Variants in ZNF510 observed in about 807,000 individuals in gnomAD.
The protein encoded by ZNF510 is zinc finger protein 510.
Under a neutral mutation model 18.1 loss-of-function variants are expected in ZNF510, and 15 were observed. That is an observed-to-expected ratio of 0.83 (90% CI 0.55 to 1.28). The LOEUF (loss-of-function observed/expected upper bound fraction) is 1.28. Among genes scored for constraint, ZNF510 ranks in the 50% most tolerant of loss-of-function variants. The pLI is 0.00. For missense variants in ZNF510, 724 were observed against 791.8 expected (o/e 0.91, Z 1.03); for synonymous variants, 261 against 266.4 (o/e 0.98, Z 0.20).
rs768273544 is a variant in ZNF510, at chr9:96,760,097, G to C, written c.733C>G (p.Pro245Ala). The change falls in exon 6 of 6, where the codon CCA becomes GCA. Residue 245 changes from proline to alanine, a missense_variant. Coordinates refer to ENST00000223428, the MANE Select transcript of ZNF510 (RefSeq NM_014930.3). ...GCTTGCTCCAAAGTTTGAAACTTTGGATGCTTGGGAAGATTTTCATTATAA... is the reference window on the plus strand; with the variant it reads ...GCTTGCTCCAAAGTTTGAAACTTTGCATGCTTGGGAAGATTTTCATTATAA... ...LNYNENLPKH[P>A]KFQTLEQAFE... 6.2e-7 allele frequency: 1 copy of C among 1,608,866 alleles called. No homozygotes were observed. The highest frequency in any genetic ancestry group is 8.5e-7 in the Non-Finnish European group (1 of 1,178,280).
At chr9:96,777,202 C>A (rs1044942518) in intron 1 of ZNF510, among the ~76,000 whole-genome samples, 1 of 152,138 alleles carries the variant, frequency 6.6e-6, no homozygotes, top group African/African-American at 2.4e-5. Context: ...TCCCAGAAAC[C>A]CCACAACAAA....
chr9:96,758,680 ACTGT>A lies in ZNF510; in HGVS notation c.*94_*97del. 8.1e-7 allele frequency: 1 copy of A among 1,231,610 alleles called. No individual in the cohort carries two copies. The highest frequency in any genetic ancestry group is 2.4e-5 in the East Asian group (1 of 42,092). 76.3% of individuals were successfully genotyped at this position (1,231,610 alleles called of 1,614,324 possible). A position where few individuals can be genotyped will look rare whatever the true frequency, so the allele number is the denominator to read the frequency against. ...TTCACAGTGAGGGTTTACTTCTGGG[ACTGT>A]CTTCTTACATTCACTACCCTCAATT... is the stretch of plus-strand genomic sequence containing the variant. On this transcript the variant is annotated 3_prime_UTR_variant, in exon 6 of 6. Coordinates refer to ENST00000223428, the MANE Select transcript of ZNF510 (RefSeq NM_014930.3).
chr9:96,767,899 G>A (rs967955193), intron 3 of ZNF510, among the ~76,000 whole-genome samples: 8 of 152,020 alleles, frequency 5.3e-5, no homozygotes, highest in African/African-American at 1.9e-4. Flanking sequence ...TTGAACCAAA[G>A]CCAGATAAAA....
rs142330729 is a variant in ZNF510 at position 96,760,824 on chromosome 9, A to G, written c.353-347T>C. 1.4e-4 allele frequency among the ~76,000 whole-genome samples: 21 copies of G among 152,292 alleles called. No individual in the cohort carries two copies. In the East Asian group the frequency reaches 4.0e-3, roughly 29 times the overall value. On this transcript the variant is annotated intron_variant, in intron 5 of 5. Transcript: ENST00000223428. ...AACAGAGAATGGGATAAATACAACA[A>G]AAACTCTAAATGTAAGTAGTATAAC...
At position 96,760,183 on chromosome 9, in the gene ZNF510, A is replaced by G. The variant is rs1849311382; in HGVS notation, c.647T>C (p.Phe216Ser). 1.9e-6 allele frequency: 3 copies of G among 1,613,170 alleles called. No homozygotes were observed. The highest frequency in any genetic ancestry group is 1.3e-5 in the African/African-American group (1 of 75,012). The change falls in exon 6 of 6, where the codon TTT becomes TCT. Residue 216 changes from phenylalanine (F) to serine (S), a missense_variant. Coordinates refer to ENST00000223428, the MANE Select transcript of ZNF510 (RefSeq NM_014930.3). ...TTTCTCTCCAGTCTGAGTTTTCTCA[A>G]AGTTAATTTTGAAAGGTGAATTCTC... ...VCENSPFKIN[F>S]EKTQTGEKFY...
Position 96,758,856 on chromosome 9 carries a change from G to C in ZNF510, c.1974C>G (p.Cys658Trp), listed in dbSNP as rs761468619. The change falls in exon 6 of 6, where the codon TGC (cysteine) becomes TGG (tryptophan). Residue 658 changes from cysteine to tryptophan, a missense_variant. Transcript: ENST00000223428. The part of the protein sequence containing the change: ...RTHSGEKSYE[C>W]NEYGKLCKKS... ...TCTTACATAATTTCCCATATTCATT[G>C]CATTCATAAGATTTCTCCCCACTGT... The C allele has an allele frequency of 6.2e-7, 1 of 1,613,858 alleles. No individual in the cohort carries two copies. The highest frequency in any genetic ancestry group is 1.1e-5 in the South Asian group (1 of 91,066).
Position 96,759,622 on chromosome 9 carries a change from G to A in ZNF510, c.1208C>T (p.Pro403Leu), listed in dbSNP as rs1418001758. 3 of 1,613,628 alleles carry A rather than the reference G, an allele frequency of 1.9e-6. No homozygotes were observed. The highest frequency in any genetic ancestry group is 2.7e-5 in the African/African-American group (2 of 74,882). ...TTTCCCACATTCATTACATTTATAG[G>A]GTTTCATCATTGAGTGACTTCTTCG... is the stretch of plus-strand genomic sequence containing the variant. ...VRRRSHSMMK[P>L]YKCNECGKSF... is the part of the protein sequence containing the mutation. Residue 403 changes from proline to leucine, a missense_variant, in exon 6 of 6, where the codon CCC (proline) becomes CTC (leucine). Physicochemically the swap from Pro to Leu is moderately conservative, Grantham distance 98. Transcript: ENST00000223428.
At chr9:96,765,615 C>T (rs1849451635) in intron 3 of ZNF510, among the ~76,000 whole-genome samples, 1 of 151,906 alleles carries the variant, frequency 6.6e-6, no homozygotes, top group Admixed American at 6.6e-5. Context: ...CAGGTTCAAG[C>T]AATTATCCTG....
rs1406873442 is a variant in ZNF510 at position 96,765,913 on chromosome 9, A to ATGTT, written c.130-2285_130-2282dup. Among the ~76,000 whole-genome samples, 5 of 152,254 alleles carry ATGTT rather than the reference A, an allele frequency of 3.3e-5. No individual in the cohort carries two copies. The South Asian group carries it at 8.3e-4, about 25-fold the overall frequency. ...GGTATGGCTCATGGAGAAAATATCTATGTTAGATAAGATTCATTCAGGCAT... is the reference window on the plus strand; with the variant it reads ...GGTATGGCTCATGGAGAAAATATCTATGTTTGTTAGATAAGATTCATTCAGGCAT... On this transcript the variant is annotated intron_variant, in intron 3 of 5. Coordinates refer to ENST00000223428, the MANE Select transcript of ZNF510 (RefSeq NM_014930.3).
intron 3 of ZNF510, among the ~76,000 whole-genome samples, chr9:96,767,361 C>T (rs1176654935): frequency 1.3e-5 from 2 of 151,808 alleles, no homozygotes; most frequent in African/African-American, 4.8e-5. Flanking sequence ...AAAACAAACC[C>T]CTGAGACCCA....
At chr9:96,760,595 G>T in intron 5 of ZNF510, 118 bp from the exon 6 acceptor site, 1 of 933,022 alleles carries the variant, frequency 1.1e-6, no homozygotes, top group Non-Finnish European at 1.5e-6. Context: ...AAATAATTCA[G>T]ATGTATGTGT....
chr9:96,770,039 CAT>C (rs918330084), intron 3 of ZNF510, among the ~76,000 whole-genome samples: 2 of 152,132 alleles, frequency 1.3e-5, no homozygotes, highest in Non-Finnish European at 2.9e-5. Flanking sequence ...CAAGAGTTAC[CAT>C]ATGAGTCAGA....
Position 96,758,149 on chromosome 9 carries a change from T to G in ZNF510, c.*629A>C, listed in dbSNP as rs975356319. On this transcript the variant is annotated 3_prime_UTR_variant, in exon 6 of 6. Transcript: ENST00000223428. ...GGGGACTACTGTATAAGCTTAAATT[T>G]TGCTCACATAATGTTCAACTGGGAA... is the stretch of plus-strand genomic sequence containing the variant. 4 of 152,254 alleles carry G rather than the reference T, an allele frequency of 2.6e-5. No homozygotes were observed. Among genetic ancestry groups the G allele is most frequent in the African/African-American group, 9.6e-5 (4 of 41,458 alleles). The allele number at this position is 152,254 out of a possible 1,614,324, so 9.4% of individuals were successfully genotyped here. A position where few individuals can be genotyped will look rare whatever the true frequency, so the allele number is the denominator to read the frequency against.
intron 2 of ZNF510, among the ~76,000 whole-genome samples, chr9:96,775,367 G>A (rs1456238278): frequency 6.6e-6 from 1 of 152,064 alleles, no homozygotes; most frequent in Non-Finnish European, 1.5e-5. Flanking sequence ...GCCCCTTGCT[G>A]TTTTTCATCA....
chr9:96,759,367 T>C lies in ZNF510; in HGVS notation c.1463A>G (p.Tyr488Cys), dbSNP rs1448949206. The C allele has an allele frequency of 2.5e-6, 4 of 1,614,018 alleles. No individual in the cohort carries two copies. In the African/African-American group the frequency reaches 5.3e-5, roughly 22 times the overall value. Residue 488 changes from tyrosine (Y) to cysteine (C), a missense_variant, in exon 6 of 6, where the codon TAT becomes TGT. Tyr to Cys is a radical substitution (Grantham distance 194). Coordinates refer to ENST00000223428, the MANE Select transcript of ZNF510 (RefSeq NM_014930.3). ...AGTTTTCCCACATTCACTACATTCA[T>C]AGGGTTTTTCTCCTGTGTGAATTCT... ...HQRIHTGEKP[Y>C]ECSECGKTFV...
Position 96,756,396 on chromosome 9 carries a change from CCTCTATGAATTGAGG to C in ZNF510, c.*2367_*2381del, listed in dbSNP as rs139431504. 0.037 allele frequency: 5,618 copies of C among 152,234 alleles called. 345 individuals carry two copies. Among genetic ancestry groups the C allele is most frequent in the African/African-American group, 0.13 (5,284 of 41,510 alleles). The allele number at this position is 152,234 out of a possible 1,614,324, so 9.4% of individuals were successfully genotyped here. On this transcript the variant is annotated 3_prime_UTR_variant, in exon 6 of 6. Transcript: ENST00000223428. ...AGTGAGCCAGGCCCAATTACAGTAA[CCTCTATGAATTGAGG>C]GCTCTACTAAGCCAGCAACTTTGCT...
rs138462748 is a variant in ZNF510 at position 96,775,280 on chromosome 9, G to A, written c.71-434C>T. On this transcript the variant is annotated intron_variant, in intron 2 of 5. Transcript: ENST00000223428. ...TCACCATGTAGCTTAGGCTGGTCTC[G>A]AACTCCTGACCTCAAGCAATCTGCC... Among the ~76,000 whole-genome samples the A allele has an allele frequency of 5.9e-3, 904 of 152,108 alleles. 6 individuals carry two copies. The highest frequency in any genetic ancestry group is 0.014 in the Middle Eastern group (4 of 294).
chr9:96,763,685 GA>G (rs1448136798), intron 3 of ZNF510, 53 bp from the exon 4 acceptor site: 1 of 1,479,090 alleles, frequency 6.8e-7, no homozygotes. Flanking sequence ...AGATGATGTA[GA>G]AAATAGCCAT....
In ZNF510 at chr9:96,763,611, C is replaced by T. The variant is rs752645757; in HGVS notation, c.151G>A (p.Val51Met). The T allele has an allele frequency of 6.8e-6, 11 of 1,612,518 alleles. No individual in the cohort carries two copies. The highest frequency in any genetic ancestry group is 1.6e-4 in the Middle Eastern group (1 of 6,066). Residue 51 changes from valine to methionine, a missense_variant, in exon 4 of 6, where the codon GTG (valine) becomes ATG (methionine). Coordinates refer to ENST00000223428, the MANE Select transcript of ZNF510 (RefSeq NM_014930.3). ...ISQASVSFKDVTIEFTQEEWQ... is the reference protein window; with the variant it reads ...ISQASVSFKDMTIEFTQEEWQ... ...TCCTCCTGGGTGAATTCTATAGTCA[C>T]GTCCTTGAATGACACTGATGCCTGT... is the stretch of plus-strand genomic sequence containing the variant.
Sources: allele counts gnomAD v4.1 joint callset (sites outside exome capture counted in the v4.1 genomes callset), GRCh38; gene constraint gnomAD v4.1.1; transcripts MANE v1.5; gene names NCBI Gene and HGNC (gene_info 2026-07-23, HGNC 2026-07-21).